Variants in ATXN1 observed in about 807,000 individuals in gnomAD.
The protein encoded by ATXN1 is ataxin 1, also known as ataxin-1.
ATXN1 carries 8 observed loss-of-function variants against 56.4 expected under a neutral mutation model. The ratio of observed to expected loss-of-function variants is 0.14; its 90% CI spans 0.08 to 0.26. The LOEUF (loss-of-function observed/expected upper bound fraction) is 0.26. ATXN1 is among the 10% of genes least tolerant of loss of function. The pLI, the probability that ATXN1 is intolerant of heterozygous loss-of-function variation, is 1.00. For missense variants in ATXN1, 987 were observed against 1,106.5 expected, an observed-to-expected ratio of 0.89 and a Z score of 1.53; for synonymous variants, 514 against 494.6, an observed-to-expected ratio of 1.04 and a Z score of -0.52.
chr6:16,601,702 T>C (rs1581874793), intron 3 of ATXN1, among the ~76,000 whole-genome samples: 1 of 151,902 alleles, frequency 6.6e-6, no homozygotes, highest in African/African-American at 2.4e-5. Context: ...ATACAAAAAA[T>C]ATTAGTTGGG....
Position 16,327,964 on chromosome 6 carries a change from G to C in ATXN1, c.347C>G (p.Ser116Cys). The C allele has an allele frequency of 6.2e-7, 1 of 1,613,260 alleles. No individual in the cohort carries two copies. Among genetic ancestry groups the C allele is most frequent in the Non-Finnish European group, 8.5e-7 (1 of 1,179,810 alleles). ...YATPQPGTPV[S>C]PVQYAHLPHT... ...CGGCAGGTGAGCGTACTGCACGGGGGACACCGGGGTCCCTGGCTGCGGGGT... is the reference window on the plus strand; with the variant it reads ...CGGCAGGTGAGCGTACTGCACGGGGCACACCGGGGTCCCTGGCTGCGGGGT... Residue 116 changes from serine (S) to cysteine (C), a missense_variant, in exon 7 of 8, where the codon TCC (serine) becomes TGC (cysteine). Around this residue, in one of 3 missense-constraint regions of ATXN1, gnomAD observed 723 missense variants for 791.7 expected, o/e 0.91. Transcript: ENST00000436367.
In ATXN1 at chr6:16,402,267, T is replaced by G. The variant is rs992225733; in HGVS notation, c.-160-73797A>C. 7.0e-5 allele frequency among the ~76,000 whole-genome samples: 10 copies of G among 142,404 alleles called. No individual in the cohort carries two copies. The East Asian group carries it at 1.4e-3, about 20-fold the overall frequency. 93.4% of individuals were successfully genotyped at this position (142,404 alleles called of 152,430 possible). A position where few individuals can be genotyped will look rare whatever the true frequency, so the allele number is the denominator to read the frequency against. On this transcript the variant is annotated intron_variant, in intron 6 of 7. Coordinates refer to ENST00000436367, the MANE Select transcript of ATXN1 (RefSeq NM_001128164.2). ...GTTTTTTTTTTTTTTTTTTTTTTTT[T>G]TTTTTTTTTTTTTGCTTCTAGTTCT...
chr6:16,425,316 C>T (rs571629868), intron 6 of ATXN1, among the ~76,000 whole-genome samples: 12 of 152,358 alleles, frequency 7.9e-5, no homozygotes, highest in East Asian at 7.7e-4. Flanking sequence ...TTGTATTCCT[C>T]ACCCACGTGT....
At chr6:16,340,988 C>G (rs1038080502) in intron 6 of ATXN1, among the ~76,000 whole-genome samples, 7 of 152,126 alleles carry the variant, frequency 4.6e-5, no homozygotes, top group African/African-American at 1.7e-4. Flanking sequence ...TTTTGGGGTA[C>G]AGAGTTCAAA....
At chr6:16,650,347 C>G (rs1763872567) in intron 3 of ATXN1, among the ~76,000 whole-genome samples, 1 of 152,180 alleles carries the variant, frequency 6.6e-6, no homozygotes, top group African/African-American at 2.4e-5. Flanking sequence ...TTTACCTTAT[C>G]AGGAGCAGAA....
At chr6:16,454,287 T>C (rs1759822752) in intron 6 of ATXN1, among the ~76,000 whole-genome samples, 1 of 152,174 alleles carries the variant, frequency 6.6e-6, no homozygotes. Context: ...AACTGAATTC[T>C]TCTGAATTCA....
chr6:16,388,285 A>G (rs1758282377), intron 6 of ATXN1, among the ~76,000 whole-genome samples: 1 of 152,192 alleles, frequency 6.6e-6, no homozygotes, highest in East Asian at 1.9e-4. Context: ...TATTATGTGT[A>G]TCTATCTCAC....
chr6:16,373,229 A>G (rs932721007), intron 6 of ATXN1, among the ~76,000 whole-genome samples: 1 of 152,240 alleles, frequency 6.6e-6, no homozygotes, highest in Non-Finnish European at 1.5e-5. Context: ...GTTCAATGGT[A>G]TGGTTTCTCC....
rs57395401 is a variant in ATXN1, at chr6:16,491,277, ATTTT to A, written c.-298-5172_-298-5169del. On this transcript the variant is annotated intron_variant, in intron 5 of 7. Coordinates refer to ENST00000436367, the MANE Select transcript of ATXN1 (RefSeq NM_001128164.2). ...CTGGCTAATTATTATTATTATTATT[ATTTT>A]TTTTTTTTTTTTTTTTTTTTGATAC... Among the ~76,000 whole-genome samples, 25 of 132,212 alleles carry A rather than the reference ATTTT, an allele frequency of 1.9e-4. No homozygotes were observed. The East Asian group carries it at 2.2e-3, about 12-fold the overall frequency. The allele number at this position is 132,212 out of a possible 152,430, so 86.7% of individuals were successfully genotyped here.
At chr6:16,570,807 A>C (rs1392554996) in intron 4 of ATXN1, among the ~76,000 whole-genome samples, 3 of 152,200 alleles carry the variant, frequency 2.0e-5, no homozygotes, top group Admixed American at 6.5e-5. Context: ...ATGTAATTTG[A>C]AATGGAGTCT....
intron 5 of ATXN1, among the ~76,000 whole-genome samples, chr6:16,511,421 A>G (rs9297011): frequency 0.15 from 22,407 of 152,028 alleles, 2,116 homozygotes; most frequent in East Asian, 0.38. Flanking sequence ...GTATATCTAA[A>G]CTCTTTTTAT....
At chr6:16,387,559 A>AAAAC (rs1170991785) in intron 6 of ATXN1, among the ~76,000 whole-genome samples, 1 of 152,080 alleles carries the variant, frequency 6.6e-6, no homozygotes, top group Non-Finnish European at 1.5e-5. Flanking sequence ...CTGAATCCTT[A>AAAAC]AAACAACTTG....
At chr6:16,507,094 T>C (rs936317847) in intron 5 of ATXN1, among the ~76,000 whole-genome samples, 2 of 152,240 alleles carry the variant, frequency 1.3e-5, no homozygotes, top group African/African-American at 2.4e-5. Flanking sequence ...CCTTAGAATA[T>C]GATGGATTTC....
chr6:16,570,200 C>A (rs236955), intron 4 of ATXN1, among the ~76,000 whole-genome samples: 1 of 152,176 alleles, frequency 6.6e-6, no homozygotes, highest in Non-Finnish European at 1.5e-5. Context: ...AACGAAATGG[C>A]CTCACACCGC....
intron 6 of ATXN1, among the ~76,000 whole-genome samples, chr6:16,402,252 T>G (rs796410570): frequency 0.014 from 171 of 12,360 alleles, 2 homozygotes; most frequent in African/African-American, 0.028. Flanking sequence ...GTTTTTTTTT[T>G]TTTTTTTTTT....
intron 6 of ATXN1, among the ~76,000 whole-genome samples, chr6:16,349,119 A>G (rs1334049543): frequency 6.6e-6 from 1 of 152,146 alleles, no homozygotes; most frequent in African/African-American, 2.4e-5. Context: ...CAAGACCTAC[A>G]ATTACTGGCT....
chr6:16,707,760 A>G (rs898950102), intron 2 of ATXN1, among the ~76,000 whole-genome samples: 1 of 152,192 alleles, frequency 6.6e-6, no homozygotes, highest in Non-Finnish European at 1.5e-5. Context: ...CATTTGGGGA[A>G]CTTAAAAATT....
At chr6:16,719,127 G>A (rs17670444) in intron 2 of ATXN1, among the ~76,000 whole-genome samples, 29,355 of 152,142 alleles carry the variant, frequency 0.19, 3,395 homozygotes, top group South Asian at 0.26. Context: ...ACGCAATTAA[G>A]AGAAATCTGG....
chr6:16,377,930 G>A (rs948365524), intron 6 of ATXN1, among the ~76,000 whole-genome samples: 1 of 152,216 alleles, frequency 6.6e-6, no homozygotes, highest in African/African-American at 2.4e-5. Context: ...ACACATAACA[G>A]CACGTGTATG....
Sources: gnomAD v4.1 joint callset for allele counts (sites outside exome capture counted in the v4.1 genomes callset) on GRCh38, gnomAD v4.1.1 for gene constraint, gnomAD v4.1.1 regional missense constraint, MANE v1.5 for transcripts, NCBI Gene and HGNC (gene_info 2026-07-23, HGNC 2026-07-21) for gene names.